The following ZNF804B variants were observed in gnomAD, a reference collection of about 807,000 sequenced individuals.
The protein encoded by ZNF804B is zinc finger 804B.
Under a neutral mutation model 101.4 loss-of-function variants are expected in ZNF804B, and 80 were observed. That is an observed-to-expected ratio of 0.79 (90% CI 0.66 to 0.95). The LOEUF is 0.95. Ranked by LOEUF, ZNF804B falls within the 40% of genes least tolerant of loss-of-function variation. The probability of loss-of-function intolerance (pLI) is 0.00; values close to 1 mark genes in which losing one functional copy is unlikely to be tolerated. For missense variants in ZNF804B, 1,673 were observed against 1,561.9 expected (o/e 1.07, Z -1.20); for synonymous variants, 622 against 558.8 (o/e 1.11, Z -1.59).
intron 2 of ZNF804B, among the ~76,000 whole-genome samples, chr7:89,233,427 C>T (rs1789229743): frequency 6.6e-6 from 1 of 151,970 alleles, no homozygotes; most frequent in Non-Finnish European, 1.5e-5. Flanking sequence ...TTATGAAATC[C>T]TCTTTTGATA....
chr7:89,193,600 A>G (rs1424884423), intron 1 of ZNF804B, among the ~76,000 whole-genome samples: 2 of 151,852 alleles, frequency 1.3e-5, no homozygotes, highest in African/African-American at 4.8e-5. Context: ...GCTGAGAATG[A>G]TGGTTTCCAG....
At chr7:88,964,944 C>T (rs146645200) in intron 1 of ZNF804B, among the ~76,000 whole-genome samples, 417 of 151,292 alleles carry the variant, frequency 2.8e-3, no homozygotes, top group Non-Finnish European at 4.8e-3. Flanking sequence ...TATTGTAGTT[C>T]AGAGAGAAAT....
At chr7:89,199,517 G>T (rs934704555) in intron 1 of ZNF804B, among the ~76,000 whole-genome samples, 8 of 151,790 alleles carry the variant, frequency 5.3e-5, no homozygotes, top group Non-Finnish European at 1.0e-4. Context: ...TACTTGAATT[G>T]TTTCTATAAT....
intron 2 of ZNF804B, among the ~76,000 whole-genome samples, chr7:89,237,787 A>G (rs1234865259): frequency 1.3e-5 from 2 of 152,158 alleles, no homozygotes; most frequent in Non-Finnish European, 2.9e-5. Context: ...GCACTTCTCT[A>G]TATGCTATGG....
chr7:89,197,411 A>T (rs1247663402), intron 1 of ZNF804B, among the ~76,000 whole-genome samples: 4 of 151,922 alleles, frequency 2.6e-5, no homozygotes, highest in Non-Finnish European at 4.4e-5. Context: ...TAAAAGTGAC[A>T]CTACCAGCTC....
chr7:89,278,152 T>G (rs879839686), intron 2 of ZNF804B, among the ~76,000 whole-genome samples: 6 of 152,242 alleles, frequency 3.9e-5, no homozygotes, highest in Non-Finnish European at 8.8e-5. Flanking sequence ...TGTCTTCTTT[T>G]CAGAAGTGTC....
At chr7:89,254,418 G>C (rs1285831901) in intron 2 of ZNF804B, among the ~76,000 whole-genome samples, 1 of 151,052 alleles carries the variant, frequency 6.6e-6, no homozygotes, top group Non-Finnish European at 1.5e-5. Flanking sequence ...CCTTTAGGAA[G>C]AAGACTACAT....
intron 1 of ZNF804B, among the ~76,000 whole-genome samples, chr7:88,820,033 T>C (rs1334798793): frequency 6.6e-6 from 1 of 152,204 alleles, no homozygotes. Flanking sequence ...AAAGCTCTAC[T>C]CAAATGCTGT....
chr7:88,990,260 ATTTAAT>A (rs1292414413), intron 1 of ZNF804B, among the ~76,000 whole-genome samples: 1 of 151,986 alleles, frequency 6.6e-6, no homozygotes, highest in African/African-American at 2.4e-5. Context: ...GAAGCATTAG[ATTTAAT>A]TTTAATTACA....
intron 1 of ZNF804B, among the ~76,000 whole-genome samples, chr7:89,041,240 C>T (rs1305451682): frequency 2.6e-5 from 4 of 152,134 alleles, no homozygotes; most frequent in African/African-American, 9.7e-5. Flanking sequence ...AGATCTGTTC[C>T]TGAGTCTGTG....
chr7:88,760,594 C>A (rs969373520), intron 1 of ZNF804B, among the ~76,000 whole-genome samples: 1 of 152,118 alleles, frequency 6.6e-6, no homozygotes, highest in Admixed American at 6.6e-5. Context: ...CTCAACTATG[C>A]ACATTCTTTA....
intron 1 of ZNF804B, among the ~76,000 whole-genome samples, chr7:89,139,056 T>G (rs1485845326): frequency 2.0e-5 from 3 of 152,084 alleles, no homozygotes; most frequent in African/African-American, 7.2e-5. Flanking sequence ...TCAGAGATAT[T>G]GCAGGTTTTG....
intron 1 of ZNF804B, among the ~76,000 whole-genome samples, chr7:88,942,530 G>T (rs10274343): frequency 0.091 from 6,007 of 65,860 alleles, 176 homozygotes; most frequent in Middle Eastern, 0.18. Context: ...GTGTGTGTGT[G>T]TTTTGCATTG....
chr7:89,277,295 A>G (rs1402599513), intron 2 of ZNF804B, among the ~76,000 whole-genome samples: 2 of 150,334 alleles, frequency 1.3e-5, no homozygotes, highest in Non-Finnish European at 3.0e-5. Context: ...TCTACCATCA[A>G]AAACATCTAA....
rs547208311 is a variant in ZNF804B at position 88,899,186 on chromosome 7, C to T, written c.108+139102C>T. Among the ~76,000 whole-genome samples, 382 of 152,190 alleles carry T rather than the reference C, an allele frequency of 2.5e-3. 4 individuals are homozygous for T. The highest frequency in any genetic ancestry group is 3.0e-3 in the Non-Finnish European group (205 of 68,002). Reference sequence around the variant, plus strand: ...TTCAAGGTTGTATTCAGAGAAATTCCGCATTCTTTATATATGATATCTTCA... The same window carrying T: ...TTCAAGGTTGTATTCAGAGAAATTCTGCATTCTTTATATATGATATCTTCA... On this transcript the variant is annotated intron_variant, in intron 1 of 3. Coordinates refer to ENST00000333190, the MANE Select transcript of ZNF804B (RefSeq NM_181646.5).
chr7:89,208,651 G>T (rs1196518911), intron 1 of ZNF804B, among the ~76,000 whole-genome samples: 1 of 152,164 alleles, frequency 6.6e-6, no homozygotes, highest in Non-Finnish European at 1.5e-5. Flanking sequence ...TGCTGAGGAA[G>T]ATGAAATTGG....
chr7:89,107,490 C>A (rs1398162467), intron 1 of ZNF804B, among the ~76,000 whole-genome samples: 1 of 152,078 alleles, frequency 6.6e-6, no homozygotes, highest in African/African-American at 2.4e-5. Context: ...ACTCTTAGTG[C>A]CTTAGGAATT....
chr7:88,839,245 C>A (rs1791261435), intron 1 of ZNF804B, among the ~76,000 whole-genome samples: 1 of 152,006 alleles, frequency 6.6e-6, no homozygotes, highest in Admixed American at 6.6e-5. Flanking sequence ...GAGTCCCTTA[C>A]ATTTGGCACC....
chr7:89,057,608 G>A (rs367897350), intron 1 of ZNF804B, among the ~76,000 whole-genome samples: 15 of 152,036 alleles, frequency 9.9e-5, no homozygotes, highest in Non-Finnish European at 2.1e-4. Context: ...TGACTTTATC[G>A]ATGTCCAGTG....
Sources: allele counts gnomAD v4.1 joint callset (sites outside exome capture counted in the v4.1 genomes callset), GRCh38; gene constraint gnomAD v4.1.1; transcripts MANE v1.5; gene names NCBI Gene and HGNC (gene_info 2026-07-23, HGNC 2026-07-21).